CHP1: variants seen among roughly 807,000 people sequenced by gnomAD.
CHP1 encodes the protein calcineurin B homologous protein 1.
A neutral mutation model predicts 27.4 loss-of-function variants in CHP1; 11 were observed. That is an observed-to-expected ratio of 0.40 (90% CI 0.25 to 0.67). The LOEUF (loss-of-function observed/expected upper bound fraction) is 0.67. CHP1 is among the 30% of genes least tolerant of loss of function. The pLI, the probability that CHP1 is intolerant of heterozygous loss-of-function variation, is 0.38. For missense variants in CHP1, 169 were observed against 251.3 expected (o/e 0.67, Z 2.22); for synonymous variants, 89 against 87.4 (o/e 1.02, Z -0.10).
chr15:41,231,677 G>T (rs752200068), intron 1 of CHP1, among the ~76,000 whole-genome samples: 2 of 151,960 alleles, frequency 1.3e-5, no homozygotes, highest in Non-Finnish European at 1.5e-5. Flanking sequence ...CGGGACTCTT[G>T]ATCACTCGTA....
chr15:41,247,393 GT>G (rs1199791955), intron 2 of CHP1, among the ~76,000 whole-genome samples: 1 of 151,678 alleles, frequency 6.6e-6, no homozygotes, highest in East Asian at 1.9e-4. Flanking sequence ...ATTCTGGCCG[GT>G]TGTGGTGGCT....
At chr15:41,232,290 A>G (rs564810534) in intron 1 of CHP1, among the ~76,000 whole-genome samples, 1 of 148,474 alleles carries the variant, frequency 6.7e-6, no homozygotes, top group African/African-American at 2.5e-5. Context: ...GGCACACTGC[A>G]ACTTCCGCCT....
intron 2 of CHP1, among the ~76,000 whole-genome samples, chr15:41,250,570 A>T (rs1421922342): frequency 1.3e-5 from 2 of 151,410 alleles, no homozygotes; most frequent in African/African-American, 4.9e-5. Flanking sequence ...TCCATCTCAA[A>T]AATAAATAAA....
intron 2 of CHP1, among the ~76,000 whole-genome samples, chr15:41,249,679 A>T (rs1312965499): frequency 2.6e-5 from 4 of 151,572 alleles, no homozygotes; most frequent in Non-Finnish European, 5.9e-5. Flanking sequence ...TCACTGTGTT[A>T]GCCAGGATGG....
At chr15:41,267,616 C>T (rs111639293) in intron 4 of CHP1, among the ~76,000 whole-genome samples, 4 of 150,490 alleles carry the variant, frequency 2.7e-5, no homozygotes, top group East Asian at 2.0e-4. Context: ...GACCTGAGAT[C>T]GCGCCACTGC....
intron 2 of CHP1, among the ~76,000 whole-genome samples, chr15:41,252,214 G>T (rs1254288036): frequency 6.7e-6 from 1 of 150,056 alleles, no homozygotes; most frequent in Non-Finnish European, 1.5e-5. Context: ...TCGCTCTGTT[G>T]CCCAGGCTGG....
chr15:41,237,111 G>A (rs1263832785), intron 1 of CHP1, among the ~76,000 whole-genome samples: 5 of 150,156 alleles, frequency 3.3e-5, no homozygotes, highest in East Asian at 3.9e-4. Flanking sequence ...GATTACAGGC[G>A]TGAGCCACCG....
At chr15:41,276,630 A>C (rs143496982) in intron 5 of CHP1, among the ~76,000 whole-genome samples, 1 of 152,306 alleles carries the variant, frequency 6.6e-6, no homozygotes, top group East Asian at 1.9e-4. Flanking sequence ...CAATTCTCGC[A>C]GCCTTTTAAT....
chr15:41,233,646 C>T (rs899663232), intron 1 of CHP1, among the ~76,000 whole-genome samples: 2 of 152,186 alleles, frequency 1.3e-5, no homozygotes, highest in Admixed American at 6.5e-5. Context: ...ACGCCCCCAA[C>T]CTGGTTGGGG....
intron 1 of CHP1, among the ~76,000 whole-genome samples, chr15:41,236,318 A>G (rs1030104788): frequency 2.0e-5 from 3 of 151,814 alleles, no homozygotes; most frequent in Non-Finnish European, 4.4e-5. Flanking sequence ...CTGGAGTGCA[A>G]TGGCATGATC....
At chr15:41,266,961 C>T (rs1426595337) in intron 4 of CHP1, among the ~76,000 whole-genome samples, 2 of 151,752 alleles carry the variant, frequency 1.3e-5, no homozygotes, top group East Asian at 1.9e-4. Context: ...GATTGCGCCA[C>T]TGCACTCTAG....
At chr15:41,256,847 G>GTT in intron 2 of CHP1, 63 bp from the exon 3 acceptor site, 1 of 1,368,568 alleles carries the variant, frequency 7.3e-7, no homozygotes, top group South Asian at 1.2e-5. Context: ...GTTACCTCCT[G>GTT]ACTTAAGGAG....
At chr15:41,247,126 T>C (rs938279618) in intron 2 of CHP1, among the ~76,000 whole-genome samples, 15 of 152,080 alleles carry the variant, frequency 9.9e-5, no homozygotes, top group African/African-American at 3.6e-4. Flanking sequence ...TCCAGCACTT[T>C]GGGAGGCCAA....
chr15:41,256,375 G>C (rs988776000), intron 2 of CHP1, among the ~76,000 whole-genome samples: 1 of 152,126 alleles, frequency 6.6e-6, no homozygotes, highest in South Asian at 2.1e-4. Context: ...CATGGAAATG[G>C]AGAAAAAGCC....
At chr15:41,239,057 G>A (rs1167653057) in intron 1 of CHP1, among the ~76,000 whole-genome samples, 1 of 152,140 alleles carries the variant, frequency 6.6e-6, no homozygotes, top group Non-Finnish European at 1.5e-5. Flanking sequence ...CATGGATGGT[G>A]TAGCTCCTTT....
chr15:41,231,977 G>A (rs1286765797), intron 1 of CHP1, among the ~76,000 whole-genome samples: 2 of 152,052 alleles, frequency 1.3e-5, no homozygotes, highest in Non-Finnish European at 2.9e-5. Flanking sequence ...ATGACCCGAT[G>A]CCTGGAGACC....
At chr15:41,270,143 A>G (rs1014115654) in intron 4 of CHP1, among the ~76,000 whole-genome samples, 23 of 151,920 alleles carry the variant, frequency 1.5e-4, no homozygotes, top group Non-Finnish European at 2.8e-4. Flanking sequence ...TCTATTCCCA[A>G]AGCTGTGGTC....
At chr15:41,273,028 G>C (rs1254943712) in intron 5 of CHP1, among the ~76,000 whole-genome samples, 5 of 151,946 alleles carry the variant, frequency 3.3e-5, no homozygotes, top group African/African-American at 1.2e-4. Context: ...CTGCACTCCA[G>C]CCTGGGCAAC....
At chr15:41,271,254 CAAAAAA>C (rs143070752) in intron 5 of CHP1, among the ~76,000 whole-genome samples, 17 of 75,706 alleles carry the variant, frequency 2.2e-4, no homozygotes, top group Admixed American at 1.8e-3. Flanking sequence ...GATTCCGTCT[CAAAAAA>C]AAAAAAAAAA....
Sources: allele counts gnomAD v4.1 joint callset (sites outside exome capture counted in the v4.1 genomes callset), GRCh38; gene constraint gnomAD v4.1.1; transcripts MANE v1.5; gene names NCBI Gene and HGNC (gene_info 2026-07-23, HGNC 2026-07-21).